ZC3H14: variants seen among roughly 807,000 people sequenced by gnomAD.
The protein encoded by ZC3H14 is zinc finger CCCH domain-containing protein 14.
In ZC3H14, 31 loss-of-function variants were observed where a neutral mutation model predicts 92.4. That is an observed-to-expected ratio of 0.34 (90% CI 0.25 to 0.45). The LOEUF is 0.45. ZC3H14 is among the 20% of genes least tolerant of loss of function. The pLI is 1.00. For missense variants in ZC3H14, 781 were observed against 897.3 expected (o/e 0.87, Z 1.66); for synonymous variants, 321 against 300.9 (o/e 1.07, Z -0.69).
At chr14:88,606,661 T>C (rs1042338144) in intron 12 of ZC3H14, among the ~76,000 whole-genome samples, 3 of 144,374 alleles carry the variant, frequency 2.1e-5, no homozygotes, top group African/African-American at 7.7e-5. Flanking sequence ...CACTTGAGCC[T>C]GGGAGGCAGA....
chr14:88,578,149 TTA>T lies in ZC3H14; in HGVS notation c.1279+10_1279+11del. On this transcript the variant is annotated intron_variant, in intron 9 of 16. Coordinates refer to ENST00000251038, the MANE Select transcript of ZC3H14 (RefSeq NM_024824.5). ...TGTAGAAAAAAATCAAGGTAATAAC[TTA>T]AATGATGTTTCACTCTTTACTACAG... 6.2e-7 allele frequency: 1 copy of T among 1,613,768 alleles called. No homozygotes were observed. Among genetic ancestry groups the T allele is most frequent in the Non-Finnish European group, 8.5e-7 (1 of 1,179,782 alleles).
At chr14:88,602,736 G>C (rs1448072454) in intron 11 of ZC3H14, 92 bp from the exon 12 acceptor site, 1 of 1,340,428 alleles carries the variant, frequency 7.5e-7, no homozygotes, top group Non-Finnish European at 1.1e-6. Flanking sequence ...GCAAAGCCAA[G>C]GGAGTGATAG....
chr14:88,564,899 C>G (rs1595459665), intron 2 of ZC3H14, among the ~76,000 whole-genome samples: 1 of 152,322 alleles, frequency 6.6e-6, no homozygotes, highest in East Asian at 1.9e-4. Flanking sequence ...CCACCTCTTT[C>G]AGGGAACATC....
chr14:88,613,672 A>G lies in ZC3H14; in HGVS notation c.*1921A>G, dbSNP rs940381881. The G allele has an allele frequency of 2.6e-5, 4 of 152,148 alleles. No individual in the cohort carries two copies. The highest frequency in any genetic ancestry group is 2.6e-4 in the Admixed American group (4 of 15,262). The allele number at this position is 152,148 out of a possible 1,614,324, so 9.4% of individuals were successfully genotyped here. On this transcript the variant is annotated 3_prime_UTR_variant, in exon 17 of 17. Transcript: ENST00000251038. The stretch of plus-strand genomic sequence containing the variant: ...AAAGGGACCACAAAAAAAGGAAGGA[A>G]ATGAGCATGGTTGGCGATTGGAAGC...
At position 88,614,934 on chromosome 14, in the gene ZC3H14, AAC is replaced by A. The variant is rs1352951484; in HGVS notation, c.*3186_*3187del. 2 of 152,334 alleles carry A rather than the reference AAC, an allele frequency of 1.3e-5. No homozygotes were observed. The highest frequency in any genetic ancestry group is 2.9e-5 in the Non-Finnish European group (2 of 68,014). 9.4% of individuals were successfully genotyped at this position (152,334 alleles called of 1,614,324 possible). A position where few individuals can be genotyped will look rare whatever the true frequency, so the allele number is the denominator to read the frequency against. Reference sequence around the variant, plus strand: ...TGTATAATGTTGTATATGTGAATTTAACACTTTTGTTTACATGTTAAACAAAT... The same window carrying A: ...TGTATAATGTTGTATATGTGAATTTAACTTTTGTTTACATGTTAAACAAAT... On this transcript the variant is annotated 3_prime_UTR_variant, in exon 17 of 17. Coordinates refer to ENST00000251038, the MANE Select transcript of ZC3H14 (RefSeq NM_024824.5).
rs2089633903 is a variant in ZC3H14 at position 88,624,638 on chromosome 14, A to G, written c.*12887A>G. 1 of 223,148 alleles carries G rather than the reference A, an allele frequency of 4.5e-6. No individual in the cohort carries two copies. Among genetic ancestry groups the G allele is most frequent in the African/African-American group, 2.3e-5 (1 of 43,124 alleles). The allele number at this position is 223,148 out of a possible 1,614,324, so 13.8% of individuals were successfully genotyped here. A position where few individuals can be genotyped will look rare whatever the true frequency, so the allele number is the denominator to read the frequency against. On this transcript the variant is annotated 3_prime_UTR_variant, in exon 17 of 17. Coordinates refer to ENST00000251038, the MANE Select transcript of ZC3H14 (RefSeq NM_024824.5). ...CAAAAAGAGAGCAGGCAGTCAAAAT[A>G]CAACCCTGGCTCCAGATTCCCCCAT... is the stretch of plus-strand genomic sequence containing the variant.
Position 88,609,297 on chromosome 14 carries a change from A to G in ZC3H14, c.1899A>G (p.Lys633=), listed in dbSNP as rs1477065650. Residue 633 remains lysine, a synonymous_variant, in exon 14 of 17, where the codon AAA becomes AAG. Transcript: ENST00000251038. ...KAFPNCKFAE[K]CLFVHPNCKY... is the part of the protein sequence containing the mutation. Reference sequence around the variant, plus strand: ...TCCCCAATTGTAAATTTGCTGAAAAATGTTTGTTTGTTCACCCAAATTGTA... The same window carrying G: ...TCCCCAATTGTAAATTTGCTGAAAAGTGTTTGTTTGTTCACCCAAATTGTA... The G allele has an allele frequency of 1.7e-5, 27 of 1,613,898 alleles. No homozygotes were observed. Among genetic ancestry groups the G allele is most frequent in the Non-Finnish European group, 2.3e-5 (27 of 1,179,978 alleles).
chr14:88,599,157 C>G (rs1187095412), intron 10 of ZC3H14, among the ~76,000 whole-genome samples: 1 of 152,160 alleles, frequency 6.6e-6, no homozygotes, highest in Non-Finnish European at 1.5e-5. Flanking sequence ...ATCTAATACA[C>G]CTCTTTTTTG....
chr14:88,601,986 AAGCTGTCTG>A lies in ZC3H14; in HGVS notation c.1420_1428del (p.Leu474_Glu476del). The A allele has an allele frequency of 6.2e-7, 1 of 1,614,188 alleles. No homozygotes were observed. Among genetic ancestry groups the A allele is most frequent in the Non-Finnish European group, 8.5e-7 (1 of 1,180,020 alleles). ...AAGATCATTTATTCTGAAGAAGCCA[AAGCTGTCTG>A]AGGAAGTAGTAGTGGCACCAAACCA... On this transcript the variant is annotated inframe_deletion, in exon 11 of 17. Transcript: ENST00000251038.
chr14:88,606,833 A>G (rs993675473), intron 12 of ZC3H14, among the ~76,000 whole-genome samples: 9 of 148,842 alleles, frequency 6.0e-5, no homozygotes, highest in Admixed American at 3.3e-4. Context: ...ATCCTTTTGT[A>G]TTTGGGCCAC....
intron 9 of ZC3H14, among the ~76,000 whole-genome samples, chr14:88,587,753 G>A (rs867461478): frequency 5.9e-5 from 9 of 151,956 alleles, no homozygotes; most frequent in Non-Finnish European, 1.0e-4. Flanking sequence ...TGAGGCCAGC[G>A]TGGGCAACAT....
intron 9 of ZC3H14, among the ~76,000 whole-genome samples, chr14:88,592,777 A>G (rs546982074): frequency 6.6e-6 from 1 of 152,212 alleles, no homozygotes; most frequent in Admixed American, 6.5e-5. Context: ...CTGGAATGAC[A>G]GGTGTGGGCC....
At position 88,609,696 on chromosome 14, in the gene ZC3H14, GTTT is replaced by G; in HGVS notation, c.2006-13_2006-11del. On this transcript the variant is annotated splice_polypyrimidine_tract_variant and intron_variant, in intron 14 of 16. Coordinates refer to ENST00000251038, the MANE Select transcript of ZC3H14 (RefSeq NM_024824.5). ...CCAAACAGATTGGAGATCAGTCCTGGTTTTTATTTTGTTAGCAGTTGCACCACC... is the reference window on the plus strand; with the variant it reads ...CCAAACAGATTGGAGATCAGTCCTGGTTATTTTGTTAGCAGTTGCACCACC... The G allele has an allele frequency of 6.2e-7, 1 of 1,613,940 alleles. No homozygotes were observed. The highest frequency in any genetic ancestry group is 8.5e-7 in the Non-Finnish European group (1 of 1,179,864).
rs2089739929 is a variant in ZC3H14 at position 88,625,232 on chromosome 14, AAG to A, written c.*13484_*13485del. The A allele has an allele frequency of 6.1e-6, 8 of 1,316,628 alleles. No individual in the cohort carries two copies. Among genetic ancestry groups the A allele is most frequent in the Middle Eastern group, 2.7e-4 (1 of 3,744 alleles). 81.6% of individuals were successfully genotyped at this position (1,316,628 alleles called of 1,614,324 possible). On this transcript the variant is annotated 3_prime_UTR_variant, in exon 17 of 17. Coordinates refer to ENST00000251038, the MANE Select transcript of ZC3H14 (RefSeq NM_024824.5). The stretch of plus-strand genomic sequence containing the variant: ...GTAATGCTGTCTCACCCTTGATACA[AAG>A]AGCATGCATCGTGTAGTGGCAGCAG...
intron 9 of ZC3H14, among the ~76,000 whole-genome samples, 172 bp downstream of exon 9, chr14:88,578,312 A>T (rs369126066): frequency 2.6e-4 from 39 of 150,954 alleles, no homozygotes; most frequent in Middle Eastern, 3.4e-3. Context: ...TCAGAAAAAA[A>T]TTTTTTTTTT....
intron 2 of ZC3H14, among the ~76,000 whole-genome samples, chr14:88,565,451 C>T (rs1183538333): frequency 4.6e-5 from 7 of 151,842 alleles, no homozygotes; most frequent in Non-Finnish European, 8.8e-5. Context: ...AACTCAATGG[C>T]GATATTAAAA....
At chr14:88,600,183 G>A (rs1009679090) in intron 10 of ZC3H14, among the ~76,000 whole-genome samples, 11 of 152,036 alleles carry the variant, frequency 7.2e-5, no homozygotes, top group Admixed American at 2.0e-4. Context: ...TTTCTCTTCC[G>A]CCTGTCTCCC....
chr14:88,620,934 T>TG lies in ZC3H14; in HGVS notation c.*9183_*9184insG. The TG allele has an allele frequency of 7.3e-7, 1 of 1,372,042 alleles. No individual in the cohort carries two copies. The highest frequency in any genetic ancestry group is 9.5e-7 in the Non-Finnish European group (1 of 1,052,156). The allele number at this position is 1,372,042 out of a possible 1,614,324, so 85.0% of individuals were successfully genotyped here. ...CACTTTGTTTAACATCTTCTGCATT[T>TG]AAAAAAAAAAAAAAAAAGAGTCATA... On this transcript the variant is annotated 3_prime_UTR_variant, in exon 17 of 17. Transcript: ENST00000251038. This position sits in a 1 kb window ranked among gnomAD's most constrained non-coding sequence, Gnocchi z 4.3.
chr14:88,596,707 A>T, intron 9 of ZC3H14, 27 bp from the exon 10 acceptor site: 1 of 1,595,510 alleles, frequency 6.3e-7, no homozygotes, highest in Non-Finnish European at 8.6e-7. Flanking sequence ...TTGTAAGCTT[A>T]GTGAAGTTTT....
Sources: gnomAD v4.1 joint callset for allele counts (sites outside exome capture counted in the v4.1 genomes callset) on GRCh38, gnomAD v4.1.1 for gene constraint, Gnocchi (gnomAD v3.1) non-coding constraint, MANE v1.5 for transcripts, NCBI Gene and HGNC (gene_info 2026-07-23, HGNC 2026-07-21) for gene names.